Variants in LHCGR observed in about 807,000 individuals in gnomAD.
The protein encoded by LHCGR is luteinizing hormone/choriogonadotropin receptor.
A neutral mutation model predicts 60.7 loss-of-function variants in LHCGR; 55 were observed. The observed-to-expected ratio is 0.91, with a 90% CI of 0.73 to 1.13. The LOEUF (loss-of-function observed/expected upper bound fraction) is 1.13, where lower values mean the gene tolerates loss of function less well. LHCGR is among the 50% of genes most tolerant of loss of function. The pLI, the probability that LHCGR is intolerant of heterozygous loss-of-function variation, is 0.00. For synonymous variants in LHCGR, 337 were observed against 316.5 expected, an observed-to-expected ratio of 1.06 and a Z score of -0.69; for missense variants, 862 against 836.0, an observed-to-expected ratio of 1.03 and a Z score of -0.38.
At chr2:48,698,840 T>A in intron 8 of LHCGR, 40 bp from the exon 9 acceptor site, 2 of 1,445,304 alleles carry the variant, frequency 1.4e-6, no homozygotes, top group Non-Finnish European at 1.8e-6. Flanking sequence ...ATTTATTTAT[T>A]TTATACATTT....
chr2:48,740,503 G>C (rs1397344873), intron 1 of LHCGR, among the ~76,000 whole-genome samples: 1 of 152,178 alleles, frequency 6.6e-6, no homozygotes, highest in Non-Finnish European at 1.5e-5. Context: ...CTGAGAACAG[G>C]CAGACTGCCT....
chr2:48,719,961 A>C (rs1045573009), intron 6 of LHCGR: 2 of 152,318 alleles, frequency 1.3e-5, no homozygotes, highest in African/African-American at 4.8e-5. Context: ...GCAGAGAACA[A>C]GTGCCAGGCA....
intron 8 of LHCGR, among the ~76,000 whole-genome samples, chr2:48,705,800 A>G (rs1388968346): frequency 1.3e-5 from 2 of 151,432 alleles, no homozygotes. Flanking sequence ...TGCATGTGAG[A>G]TGGGTCTCCT....
At chr2:48,694,349 C>T (rs1195043135) in intron 9 of LHCGR, 45 bp from the exon 10 acceptor site, 1 of 1,160,122 alleles carries the variant, frequency 8.6e-7, no homozygotes, top group East Asian at 2.4e-5. Flanking sequence ...TTTTGGACTT[C>T]AGGCTAAACC....
chr2:48,693,758 C>T (rs1666976175), intron 10 of LHCGR, among the ~76,000 whole-genome samples: 1 of 152,148 alleles, frequency 6.6e-6, no homozygotes, highest in African/African-American at 2.4e-5. Context: ...TATGTGGTAG[C>T]GATAGCATTA....
At position 48,687,682 on chromosome 2, in the gene LHCGR, T is replaced by C; in HGVS notation, c.*15A>G. 1 of 1,600,114 alleles carries C rather than the reference T, an allele frequency of 6.2e-7. No homozygotes were observed. Among genetic ancestry groups the C allele is most frequent in the Non-Finnish European group, 8.6e-7 (1 of 1,167,270 alleles). On this transcript the variant is annotated 3_prime_UTR_variant, in exon 11 of 11. Transcript: ENST00000294954. The stretch of plus-strand genomic sequence containing the variant: ...GTTTAAGAACAATTCAATAATGCAG[T>C]TACTGATGTAACAGTTAACACTCTG...
chr2:48,711,957 A>G (rs4574159), intron 7 of LHCGR, among the ~76,000 whole-genome samples: 88,397 of 151,728 alleles, frequency 0.58, 26,082 homozygotes, highest in Non-Finnish European at 0.61. Flanking sequence ...ACTCTTTACT[A>G]TGGCATCTAA....
At chr2:48,743,305 T>A (rs1669556028) in intron 1 of LHCGR, among the ~76,000 whole-genome samples, 2 of 151,828 alleles carry the variant, frequency 1.3e-5, no homozygotes, top group Admixed American at 6.6e-5. Context: ...ACTATTCCAA[T>A]CAATAGAAAA....
chr2:48,712,136 C>G (rs1466185179), intron 7 of LHCGR, among the ~76,000 whole-genome samples: 1 of 152,012 alleles, frequency 6.6e-6, no homozygotes, highest in Non-Finnish European at 1.5e-5. Context: ...CCACCTTTCT[C>G]AGAGGCTTTC....
Position 48,704,318 on chromosome 2 carries a change from G to A in LHCGR, c.680+4630C>T, listed in dbSNP as rs188534594. The stretch of plus-strand genomic sequence containing the variant: ...GTATTTTATGGAGGATTTTCGCATC[G>A]ATGTTCATCAGGGATATTGGCTTAA... On this transcript the variant is annotated intron_variant, in intron 8 of 10. Transcript: ENST00000294954. Among the ~76,000 whole-genome samples the A allele has an allele frequency of 4.2e-3, 638 of 152,270 alleles. 5 individuals carry two copies. Among genetic ancestry groups the A allele is most frequent in the African/African-American group, 0.015 (613 of 41,552 alleles).
intron 1 of LHCGR, among the ~76,000 whole-genome samples, chr2:48,746,961 T>C (rs955427738): frequency 1.4e-4 from 22 of 152,088 alleles, no homozygotes; most frequent in Non-Finnish European, 2.8e-4. Context: ...ATTGCAGATA[T>C]GCTTCAGGAA....
chr2:48,734,328 A>T (rs1481668286), intron 1 of LHCGR, among the ~76,000 whole-genome samples: 1 of 152,248 alleles, frequency 6.6e-6, no homozygotes, highest in Non-Finnish European at 1.5e-5. Context: ...CTCCTCCTGC[A>T]CATGAACATA....
At chr2:48,728,357 G>T (rs551099870) in intron 3 of LHCGR, among the ~76,000 whole-genome samples, 1 of 152,142 alleles carries the variant, frequency 6.6e-6, no homozygotes, top group African/African-American at 2.4e-5. Context: ...CTCAAAAAAT[G>T]TTTGATGCTA....
At chr2:48,704,057 A>T (rs1290329816) in intron 8 of LHCGR, among the ~76,000 whole-genome samples, 2 of 152,150 alleles carry the variant, frequency 1.3e-5, no homozygotes, top group African/African-American at 2.4e-5. Flanking sequence ...TTTGAGATAC[A>T]TTCCATAAAT....
intron 1 of LHCGR, among the ~76,000 whole-genome samples, chr2:48,749,364 G>A (rs1396136427): frequency 6.6e-6 from 1 of 152,170 alleles, no homozygotes; most frequent in African/African-American, 2.4e-5. Flanking sequence ...AGCTGGGTGG[G>A]AATTTGCTAA....
intron 7 of LHCGR, 29 bp from the exon 8 acceptor site, chr2:48,709,051 A>G (rs1415339615): frequency 1.9e-6 from 3 of 1,558,650 alleles, no homozygotes; most frequent in Non-Finnish European, 2.7e-6. Context: ...CCCTTAGTGG[A>G]GTTTGTACCT....
intron 1 of LHCGR, among the ~76,000 whole-genome samples, chr2:48,739,688 GC>G (rs1669350260): frequency 6.6e-6 from 1 of 151,996 alleles, no homozygotes; most frequent in Admixed American, 6.6e-5. Context: ...GGGAGGGATA[GC>G]ATTAGGAGAT....
Position 48,723,710 on chromosome 2 carries a change from C to G in LHCGR, c.384-14G>C. ...TTACAGATGCTCCTGTGATTAGGGA[C>G]AGGATAGTGGTGTGGGCAGAGAGTG... On this transcript the variant is annotated splice_polypyrimidine_tract_variant and intron_variant, in intron 4 of 10. Transcript: ENST00000294954. 4 of 1,599,950 alleles carry G rather than the reference C, an allele frequency of 2.5e-6. No homozygotes were observed. Among genetic ancestry groups the G allele is most frequent in the Non-Finnish European group, 3.4e-6 (4 of 1,167,210 alleles).
chr2:48,731,250 T>C lies in LHCGR; in HGVS notation c.210A>G (p.Arg70=). ...ACATTTTTATGACCTCATTAAGTCC[T>C]CTGAAAGCTTGAGATGGGATCACTT... ...PVKVIPSQAF[R]GLNEVIKIEI... Residue 70 remains arginine, a synonymous_variant, in exon 2 of 11, where the codon AGA becomes AGG. Transcript: ENST00000294954. 6.2e-7 allele frequency: 1 copy of C among 1,611,226 alleles called. No individual in the cohort carries two copies. Among genetic ancestry groups the C allele is most frequent in the South Asian group, 1.1e-5 (1 of 91,028 alleles).
Sources: gnomAD v4.1 joint callset for allele counts (sites outside exome capture counted in the v4.1 genomes callset) on GRCh38, gnomAD v4.1.1 for gene constraint, MANE v1.5 for transcripts, NCBI Gene and HGNC (gene_info 2026-07-23, HGNC 2026-07-21) for gene names.